Variants in PCDH8 observed in about 807,000 individuals in gnomAD.
PCDH8 encodes the protein protocadherin-8.
In PCDH8, 36 loss-of-function variants were observed where a neutral mutation model predicts 58.2. The ratio of observed to expected loss-of-function variants is 0.62; its 90% CI spans 0.47 to 0.82. The LOEUF is 0.82. Ranked by LOEUF, PCDH8 falls within the 40% of genes least tolerant of loss-of-function variation. The pLI is 0.00. For missense variants in PCDH8, 1,493 were observed against 1,567.8 expected (o/e 0.95, Z 0.81); for synonymous variants, 775 against 728.9 (o/e 1.06, Z -1.02).
In PCDH8 at chr13:52,846,923, G is replaced by C; in HGVS notation, c.1514C>G (p.Ser505Trp). The C allele has an allele frequency of 6.3e-7, 1 of 1,591,882 alleles. No individual in the cohort carries two copies. The highest frequency in any genetic ancestry group is 8.5e-7 in the Non-Finnish European group (1 of 1,172,200). The change falls in exon 1 of 3, where the codon TCG becomes TGG. Residue 505 changes from serine (S) to tryptophan (W), a missense_variant. Physicochemically the swap from Ser to Trp is radical, Grantham distance 177. Transcript: ENST00000377942. ...GCCTGGCGGGTTGTTCTCGCGCACC[G>C]ACACCTCATAGACCGGCCGCGTGAA... ...PLFTRPVYEV[S>W]VRENNPPGAY...
In PCDH8 at chr13:52,848,264, G is replaced by A. The variant is rs1339142108; in HGVS notation, c.173C>T (p.Ser58Leu). 7.4e-6 allele frequency: 12 copies of A among 1,613,564 alleles called. No homozygotes were observed. The highest frequency in any genetic ancestry group is 4.0e-5 in the African/African-American group (3 of 74,952). ...TLAEDLHMKV[S>L]GDTSFRLMKQ... ...CATCAGGCGGAAGCTTGTGTCACCC[G>A]ATACTTTCATATGCAGGTCCTCGGC... The change falls in exon 1 of 3, where the codon TCG (serine) becomes TTG (leucine). Residue 58 changes from serine to leucine, a missense_variant. Ser to Leu is a moderately radical substitution (Grantham distance 145). Transcript: ENST00000377942.
chr13:52,848,578 A>G lies in PCDH8; in HGVS notation c.-142T>C, dbSNP rs969447090. On this transcript the variant is annotated 5_prime_UTR_variant, in exon 1 of 3. Coordinates refer to ENST00000377942, the MANE Select transcript of PCDH8 (RefSeq NM_002590.4). The stretch of plus-strand genomic sequence containing the variant: ...CTGCGGGTAGCAGCTCCGAGCCTCC[A>G]GCGGGCTCTGAGGACGCGCGGACCC... 5.7e-6 allele frequency: 8 copies of G among 1,411,708 alleles called. No homozygotes were observed. The highest frequency in any genetic ancestry group is 1.6e-5 in the South Asian group (1 of 64,466). 87.4% of individuals were successfully genotyped at this position (1,411,708 alleles called of 1,614,324 possible).
rs1021519301 is a variant in PCDH8 at position 52,846,642 on chromosome 13, C to T, written c.1795G>A (p.Val599Met). Residue 599 changes from valine to methionine, a missense_variant, in exon 1 of 3, where the codon GTG becomes ATG. Physicochemically the swap from Val to Met is conservative, Grantham distance 21. Coordinates refer to ENST00000377942, the MANE Select transcript of PCDH8 (RefSeq NM_002590.4). Reference sequence around the variant, plus strand: ...GGCGCATGGTCGTTCTGGTCCAGCACGCGCACTTGCACTAGGGCGCTGCTG... The same window carrying T: ...GGCGCATGGTCGTTCTGGTCCAGCATGCGCACTTGCACTAGGGCGCTGCTG... ...LSSSALVQVR[V>M]LDQNDHAPVL... 1 of 1,604,104 alleles carries T rather than the reference C, an allele frequency of 6.2e-7. No homozygotes were observed. The highest frequency in any genetic ancestry group is 8.5e-7 in the Non-Finnish European group (1 of 1,178,032).
At chr13:52,845,095 C>A (rs1965708938) in intron 2 of PCDH8, among the ~76,000 whole-genome samples, 162 bp from the exon 3 acceptor site, 1 of 152,134 alleles carries the variant, frequency 6.6e-6, no homozygotes, top group Non-Finnish European at 1.5e-5. Context: ...ACATTGCTTC[C>A]TGTAAAGCCA....
chr13:52,845,791 G>T lies in PCDH8; in HGVS notation c.2631+15C>A, dbSNP rs1251028242. 1 of 1,497,934 alleles carries T rather than the reference G, an allele frequency of 6.7e-7. No homozygotes were observed. The highest frequency in any genetic ancestry group is 8.8e-7 in the Non-Finnish European group (1 of 1,131,410). 92.8% of individuals were successfully genotyped at this position (1,497,934 alleles called of 1,614,324 possible). On this transcript the variant is annotated intron_variant, in intron 1 of 2. Coordinates refer to ENST00000377942, the MANE Select transcript of PCDH8 (RefSeq NM_002590.4). Reference sequence around the variant, plus strand: ...GGAGCTCGGAGGGGGGCGCCCAGCCGAAGGAAGGCCTCACCTCGGCGTGCG... The same window carrying T: ...GGAGCTCGGAGGGGGGCGCCCAGCCTAAGGAAGGCCTCACCTCGGCGTGCG...
rs765522293 is a variant in PCDH8 at position 52,846,490 on chromosome 13, C to T, written c.1947G>A (p.Leu649=). 16 of 1,597,874 alleles carry T rather than the reference C, an allele frequency of 1.0e-5. No individual in the cohort carries two copies. Among genetic ancestry groups the T allele is most frequent in the Non-Finnish European group, 1.0e-5 (12 of 1,179,112 alleles). ...RDADEGANGE[L]AFELQQQEPR... The stretch of plus-strand genomic sequence containing the variant: ...GCTCCTGCTGCTGCAGCTCGAACGC[C>T]AGCTCCCCGTTGGCTCCCTCGTCTG... Residue 649 remains leucine, a synonymous_variant, in exon 1 of 3, where the codon CTG becomes CTA. Coordinates refer to ENST00000377942, the MANE Select transcript of PCDH8 (RefSeq NM_002590.4).
At chr13:52,845,754 C>G in intron 1 of PCDH8, 52 bp downstream of exon 1, 3 of 1,505,458 alleles carry the variant, frequency 2.0e-6, no homozygotes, top group Non-Finnish European at 1.8e-6. Context: ...TCCCTTCCCC[C>G]AGCCTGTCCG....
intron 2 of PCDH8, 127 bp from the exon 3 acceptor site, chr13:52,845,060 A>G: frequency 9.9e-7 from 1 of 1,005,486 alleles, no homozygotes; most frequent in African/African-American, 1.6e-5. Flanking sequence ...GCATAGATAT[A>G]CACCGTGTCT....
chr13:52,845,026 G>A, intron 2 of PCDH8, 93 bp from the exon 3 acceptor site: 1 of 1,390,296 alleles, frequency 7.2e-7, no homozygotes, highest in Non-Finnish European at 9.7e-7. Context: ...CCTGGGTCAG[G>A]GCAGCTGAAA....
At position 52,847,197 on chromosome 13, in the gene PCDH8, C is replaced by A; in HGVS notation, c.1240G>T (p.Val414Phe). 1 of 1,436,642 alleles carries A rather than the reference C, an allele frequency of 7.0e-7. No individual in the cohort carries two copies. The highest frequency in any genetic ancestry group is 9.1e-7 in the Non-Finnish European group (1 of 1,102,622). 89.0% of individuals were successfully genotyped at this position (1,436,642 alleles called of 1,614,324 possible). A position where few individuals can be genotyped will look rare whatever the true frequency, so the allele number is the denominator to read the frequency against. ...CCCGAGTCCCTGTCCGAGGTGCTGA[C>A]CAGGGCCACCAGGCTCTCGCGCGCC... ...GAARESLVAL[V>F]STSDRDSGAN... Residue 414 changes from valine to phenylalanine, a missense_variant, in exon 1 of 3, where the codon GTC becomes TTC. By Grantham distance (50) the Val-to-Phe change is conservative. This residue lies in a region of PCDH8 where 1,307 missense variants were observed against 1,362.7 expected (regional missense o/e 0.96). Coordinates refer to ENST00000377942, the MANE Select transcript of PCDH8 (RefSeq NM_002590.4).
Position 52,845,888 on chromosome 13 carries a change from G to C in PCDH8, c.2549C>G (p.Pro850Arg), listed in dbSNP as rs779259094. The C allele has an allele frequency of 1.9e-5, 29 of 1,487,894 alleles. No individual in the cohort carries two copies. Among genetic ancestry groups the C allele is most frequent in the African/African-American group, 2.9e-5 (2 of 68,326 alleles). 92.2% of individuals were successfully genotyped at this position (1,487,894 alleles called of 1,614,324 possible). Residue 850 changes from proline to arginine, a missense_variant, in exon 1 of 3, where the codon CCG becomes CGG. Around this residue, in one of 3 missense-constraint regions of PCDH8, gnomAD observed 1,307 missense variants for 1,362.7 expected, o/e 0.96. Coordinates refer to ENST00000377942, the MANE Select transcript of PCDH8 (RefSeq NM_002590.4). The part of the protein sequence containing the change: ...PPPAVAAAEV[P>R]GSEGGSATGE... Reference sequence around the variant, plus strand: ...AGTGGCGCTGCCGCCCTCTGAGCCCGGCACTTCGGCCGCGGCGACCGCAGG... The same window carrying C: ...AGTGGCGCTGCCGCCCTCTGAGCCCCGCACTTCGGCCGCGGCGACCGCAGG...
chr13:52,844,685 C>A lies in PCDH8; in HGVS notation c.3088G>T (p.Val1030Phe). Reference sequence around the variant, plus strand: ...GGACGGGGAGGGGAGAGCAGAGTGACTGTCCTGTCATAGTCTCTGTGCAGT... The same window carrying A: ...GGACGGGGAGGGGAGAGCAGAGTGAATGTCCTGTCATAGTCTCTGTGCAGT... ...KVLHRDYDRT[V>F]TLLSPPRPGR... The change falls in exon 3 of 3, where the codon GTC becomes TTC. Residue 1030 changes from valine (V) to phenylalanine (F), a missense_variant. Transcript: ENST00000377942. The A allele has an allele frequency of 6.2e-7, 1 of 1,614,168 alleles. No individual in the cohort carries two copies.
chr13:52,847,351 TG>T lies in PCDH8; in HGVS notation c.1085del (p.Pro362GlnfsTer89). The T allele has an allele frequency of 6.8e-7, 1 of 1,479,220 alleles. No homozygotes were observed. Among genetic ancestry groups the T allele is most frequent in the Non-Finnish European group, 8.9e-7 (1 of 1,120,726 alleles). The allele number at this position is 1,479,220 out of a possible 1,614,324, so 91.6% of individuals were successfully genotyped here. On this transcript the variant is annotated frameshift_variant, in exon 1 of 3. Coordinates refer to ENST00000377942, the MANE Select transcript of PCDH8 (RefSeq NM_002590.4). LOFTEE classifies it high-confidence loss of function. ...PDIAITPLAAPGAPATSPFAA... is the reference protein window; with the variant it reads ...PDIAITPLAAXGAPATSPFAA... ...CGAAGGGTGAGGTTGCCGGCGCGCCTGGGGCGGCCAGCGGGGTGATGGCGAT... is the reference window on the plus strand; with the variant it reads ...CGAAGGGTGAGGTTGCCGGCGCGCCTGGGCGGCCAGCGGGGTGATGGCGAT...
chr13:52,843,695 A>C lies in PCDH8; in HGVS notation c.*865T>G, dbSNP rs899562409. The C allele has an allele frequency of 1.2e-4, 18 of 152,194 alleles. No homozygotes were observed. Among genetic ancestry groups the C allele is most frequent in the Non-Finnish European group, 1.8e-4 (12 of 68,040 alleles). 9.4% of individuals were successfully genotyped at this position (152,194 alleles called of 1,614,324 possible). ...GAACAACCCAAACTTAGCTTTCTTC[A>C]CTTTTTGGTGGCTGCTCAATGAATA... On this transcript the variant is annotated 3_prime_UTR_variant, in exon 3 of 3. Coordinates refer to ENST00000377942, the MANE Select transcript of PCDH8 (RefSeq NM_002590.4).
Position 52,846,265 on chromosome 13 carries a change from T to G in PCDH8, c.2172A>C (p.Ala724=), listed in dbSNP as rs990643242. ...GCGGGCGGGAACGCTCCGGGCTTCC[T>G]GCACTGGCAGGCGCAGCCGGCCCAC... ...GGRGPAAPAS[A]GSPERSRPPG... Residue 724 remains alanine, a synonymous_variant, in exon 1 of 3, where the codon GCA becomes GCC. Coordinates refer to ENST00000377942, the MANE Select transcript of PCDH8 (RefSeq NM_002590.4). The G allele has an allele frequency of 3.8e-6, 6 of 1,582,322 alleles. No individual in the cohort carries two copies. Among genetic ancestry groups the G allele is most frequent in the Non-Finnish European group, 5.1e-6 (6 of 1,169,764 alleles).
chr13:52,845,432 C>T lies in PCDH8; in HGVS notation c.2832G>A (p.Met944Ile). 6.2e-7 allele frequency: 1 copy of T among 1,613,714 alleles called. No homozygotes were observed. Among genetic ancestry groups the T allele is most frequent in the Non-Finnish European group, 8.5e-7 (1 of 1,179,590 alleles). Residue 944 changes from methionine to isoleucine, a missense_variant, in exon 2 of 3, where the codon ATG (methionine) becomes ATA (isoleucine). Coordinates refer to ENST00000377942, the MANE Select transcript of PCDH8 (RefSeq NM_002590.4). ...GGAAAGAAGAGTCCTCACCACTCTG[C>T]ATGTGGTTGATGAGATCCTTTTTCA... ...DALKKDLINH[M>I]QSGLWACTAE...
Position 52,847,149 on chromosome 13 carries a change from C to T in PCDH8, c.1288G>A (p.Ala430Thr). ...DSGANGQVRCALYGHEHFRLQ... is the reference protein window; with the variant it reads ...DSGANGQVRCTLYGHEHFRLQ... ...CGGAAGTGCTCGTGCCCATAGAGGG[C>T]GCAGCGCACTTGCCCGTTGGCGCCC... Residue 430 changes from alanine to threonine, a missense_variant, in exon 1 of 3, where the codon GCC becomes ACC. Coordinates refer to ENST00000377942, the MANE Select transcript of PCDH8 (RefSeq NM_002590.4). 6.6e-7 allele frequency: 1 copy of T among 1,524,910 alleles called. No individual in the cohort carries two copies. The highest frequency in any genetic ancestry group is 1.4e-5 in the African/African-American group (1 of 70,044). 94.5% of individuals were successfully genotyped at this position (1,524,910 alleles called of 1,614,324 possible). A position where few individuals can be genotyped will look rare whatever the true frequency, so the allele number is the denominator to read the frequency against.
Position 52,845,909 on chromosome 13 carries a change from G to T in PCDH8, c.2528C>A (p.Ala843Glu), listed in dbSNP as rs777491120. 3.4e-6 allele frequency: 5 copies of T among 1,477,282 alleles called. No homozygotes were observed. The South Asian group carries it at 5.3e-5, about 16-fold the overall frequency. The allele number at this position is 1,477,282 out of a possible 1,614,324, so 91.5% of individuals were successfully genotyped here. A position where few individuals can be genotyped will look rare whatever the true frequency, so the allele number is the denominator to read the frequency against. The change falls in exon 1 of 3, where the codon GCG becomes GAG. Residue 843 changes from alanine (A) to glutamate (E), a missense_variant. By Grantham distance (107) the Ala-to-Glu change is moderately radical. This residue lies in a region of PCDH8 where 1,307 missense variants were observed against 1,362.7 expected (regional missense o/e 0.96). Coordinates refer to ENST00000377942, the MANE Select transcript of PCDH8 (RefSeq NM_002590.4). ...GCCCGGCACTTCGGCCGCGGCGACC[G>T]CAGGCGGAGGCGCGTCCGCCGCGGG... The part of the protein sequence containing the change: ...GSPAADAPPP[A>E]VAAAEVPGSE...
Position 52,848,001 on chromosome 13 carries a change from C to G in PCDH8, c.436G>C (p.Glu146Gln). ...PRAQIPVEVS[E>Q]GAAVGTRIPL... ...ATGCGCGTGCCCACTGCCGCACCCT[C>G]GGACACCTCTACCGGGATCTGGGCC... Residue 146 changes from glutamate to glutamine, a missense_variant, in exon 1 of 3, where the codon GAG becomes CAG. By Grantham distance (29) the Glu-to-Gln change is conservative. Transcript: ENST00000377942. 2 of 1,610,592 alleles carry G rather than the reference C, an allele frequency of 1.2e-6. No homozygotes were observed. Among genetic ancestry groups the G allele is most frequent in the Non-Finnish European group, 1.7e-6 (2 of 1,178,042 alleles).
Sources: gnomAD v4.1 joint callset for allele counts (sites outside exome capture counted in the v4.1 genomes callset) on GRCh38, gnomAD v4.1.1 for gene constraint, gnomAD v4.1.1 regional missense constraint, MANE v1.5 for transcripts, NCBI Gene and HGNC (gene_info 2026-07-23, HGNC 2026-07-21) for gene names.